PCDHGB4: variants seen among roughly 807,000 people sequenced by gnomAD.
PCDHGB4 encodes the protein protocadherin gamma subfamily B, 4.
PCDHGB4 carries 38 observed loss-of-function variants against 60.5 expected under a neutral mutation model. The ratio of observed to expected loss-of-function variants is 0.63; its 90% CI spans 0.48 to 0.82. The LOEUF (loss-of-function observed/expected upper bound fraction) is 0.82, where lower values mean the gene tolerates loss of function less well. PCDHGB4 is among the 40% of genes least tolerant of loss of function. The pLI, the probability that PCDHGB4 is intolerant of heterozygous loss-of-function variation, is 0.00. For missense variants in PCDHGB4, 1,109 were observed against 1,209.6 expected, an observed-to-expected ratio of 0.92 and a Z score of 1.23; for synonymous variants, 456 against 509.7, an observed-to-expected ratio of 0.89 and a Z score of 1.42.
At chr5:141,414,890 C>T in intron 1 of PCDHGB4, 5 of 1,614,232 alleles carry the variant, frequency 3.1e-6, no homozygotes, top group Non-Finnish European at 4.2e-6. Context: ...CCCGCCCTCC[C>T]CACAGACGGT....
intron 1 of PCDHGB4, chr5:141,423,820 C>T: frequency 7.9e-7 from 1 of 1,272,642 alleles, no homozygotes. Context: ...TTTTACTTTG[C>T]CTTTCATGAG....
In PCDHGB4 at chr5:141,389,404, C is replaced by G. The variant is rs2091742660; in HGVS notation, c.1520C>G (p.Ala507Gly). Residue 507 changes from alanine to glycine, a missense_variant, in exon 1 of 4, where the codon GCG becomes GGG. Ala to Gly is a moderately conservative substitution (Grantham distance 60, BLOSUM62 0). This residue lies in a region of PCDHGB4 where 1,068 missense variants were observed against 1,089.9 expected (regional missense o/e 0.98). Coordinates refer to ENST00000519479, the MANE Select transcript of PCDHGB4 (RefSeq NM_003736.4). ...RELSSYVSIS[A>G]ESGVVFAQRA... ...CTGTCATCCTACGTGTCCATAAGCG[C>G]GGAGAGCGGGGTGGTGTTCGCGCAG... is the stretch of plus-strand genomic sequence containing the variant. 1 of 1,613,498 alleles carries G rather than the reference C, an allele frequency of 6.2e-7. No homozygotes were observed. Among genetic ancestry groups the G allele is most frequent in the African/African-American group, 1.3e-5 (1 of 74,944 alleles).
At position 141,393,580 on chromosome 5, in the gene PCDHGB4, C is replaced by A. The variant is rs756625630; in HGVS notation, c.2397+3299C>A. 5.6e-6 allele frequency: 9 copies of A among 1,613,758 alleles called. No individual in the cohort carries two copies. In the South Asian group the frequency reaches 9.9e-5, roughly 18 times the overall value. ...CGAGTGAAAGTCCTTGAGAACATGC[C>A]CCCAGGCACGCGGCTGCTTACTGTA... is the stretch of plus-strand genomic sequence containing the variant. On this transcript the variant is annotated intron_variant, in intron 1 of 3. Transcript: ENST00000519479.
intron 1 of PCDHGB4, chr5:141,423,427 G>A: frequency 1.2e-6 from 2 of 1,614,010 alleles, no homozygotes; most frequent in Non-Finnish European, 1.7e-6. Flanking sequence ...AGGCGGGTTG[G>A]CAGGTATGCC....
chr5:141,441,838 C>A, intron 1 of PCDHGB4: 1 of 355,582 alleles, frequency 2.8e-6, no homozygotes, highest in Non-Finnish European at 5.5e-6. Context: ...TGGCTTCGCG[C>A]TCTTGGATAT....
At chr5:141,409,059 A>G (rs2095217608) in intron 1 of PCDHGB4, 2 of 1,614,050 alleles carry the variant, frequency 1.2e-6, no homozygotes, top group Non-Finnish European at 1.7e-6. Context: ...AGCACTGCCC[A>G]GAGCACAAAA....
In PCDHGB4 at chr5:141,389,771, C is replaced by G; in HGVS notation, c.1887C>G (p.Ala629=). 6.2e-7 allele frequency: 1 copy of G among 1,613,206 alleles called. No individual in the cohort carries two copies. Among genetic ancestry groups the G allele is most frequent in the Non-Finnish European group, 8.5e-7 (1 of 1,179,738 alleles). Reference sequence around the variant, plus strand: ...CGGGCGAAGTGCGCACAGCGCGTGCCTTAGGCGACAGGGACGCCGTCCGCC... The same window carrying G: ...CGGGCGAAGTGCGCACAGCGCGTGCGTTAGGCGACAGGGACGCCGTCCGCC... The part of the protein sequence containing the change: ...LRTGEVRTAR[A]LGDRDAVRQR... Residue 629 remains alanine, a synonymous_variant, in exon 1 of 4, where the codon GCC becomes GCG. Coordinates refer to ENST00000519479, the MANE Select transcript of PCDHGB4 (RefSeq NM_003736.4).
In PCDHGB4 at chr5:141,490,935, G is replaced by A. The variant is rs1371144225; in HGVS notation, c.2398-3872G>A. On this transcript the variant is annotated intron_variant, in intron 1 of 3. Transcript: ENST00000519479. The surrounding 1 kb of genome is among the most constrained non-coding windows in gnomAD (Gnocchi z 5.4). ...AGAATGATAATGCCCCAGCTGTGCTGCACCCACGGCCAGACTGGGAACACT... is the reference window on the plus strand; with the variant it reads ...AGAATGATAATGCCCCAGCTGTGCTACACCCACGGCCAGACTGGGAACACT... 1.9e-6 allele frequency: 3 copies of A among 1,613,638 alleles called. No homozygotes were observed. The highest frequency in any genetic ancestry group is 2.2e-5 in the South Asian group (2 of 91,032).
chr5:141,414,958 G>T, intron 1 of PCDHGB4: 2 of 1,614,024 alleles, frequency 1.2e-6, no homozygotes, highest in East Asian at 2.2e-5. Context: ...GGTGACCAAG[G>T]TGGTGGCGGT....
intron 1 of PCDHGB4, among the ~76,000 whole-genome samples, chr5:141,454,701 C>G (rs1182969868): frequency 6.6e-6 from 1 of 151,760 alleles, no homozygotes; most frequent in Non-Finnish European, 1.5e-5. Context: ...CCACCATGCT[C>G]CACCTGCTTA....
chr5:141,424,692 T>C (rs910540428), intron 1 of PCDHGB4: 2 of 152,004 alleles, frequency 1.3e-5, no homozygotes, highest in African/African-American at 4.8e-5. Context: ...CTTCTGGCTA[T>C]TTTTTTGTTC....
chr5:141,450,846 A>C (rs2098698903), intron 1 of PCDHGB4, among the ~76,000 whole-genome samples: 1 of 115,730 alleles, frequency 8.6e-6, no homozygotes. Context: ...TTTTTTTGAG[A>C]TGGGGTCTTG....
rs773499765 is a variant in PCDHGB4 at position 141,489,626 on chromosome 5, A to T, written c.2398-5181A>T. 6.2e-6 allele frequency: 10 copies of T among 1,613,568 alleles called. No individual in the cohort carries two copies. In the South Asian group the frequency reaches 9.9e-5, roughly 16 times the overall value. On this transcript the variant is annotated intron_variant, in intron 1 of 3. Coordinates refer to ENST00000519479, the MANE Select transcript of PCDHGB4 (RefSeq NM_003736.4). The surrounding 1 kb of genome is among the most constrained non-coding windows in gnomAD (Gnocchi z 4.5). The stretch of plus-strand genomic sequence containing the variant: ...GTAGAGATCCTGGATCTCAATGACA[A>T]CTCTCCTAGCTTTGCCACCCCTGAG...
In PCDHGB4 at chr5:141,394,620, T is replaced by C. The variant is rs775736772; in HGVS notation, c.2397+4339T>C. The C allele has an allele frequency of 8.1e-6, 13 of 1,613,124 alleles. 1 individual carries two copies. In the South Asian group the frequency reaches 1.4e-4, roughly 18 times the overall value. ...GGACAGAGACTCGGGCCAGAACGCC[T>C]GGCTGTCCTACCGCCTGCTCAAGGC... On this transcript the variant is annotated intron_variant, in intron 1 of 3. Coordinates refer to ENST00000519479, the MANE Select transcript of PCDHGB4 (RefSeq NM_003736.4).
intron 1 of PCDHGB4, chr5:141,399,076 G>A (rs767415619): frequency 1.2e-6 from 2 of 1,613,850 alleles, no homozygotes; most frequent in Non-Finnish European, 1.7e-6. Flanking sequence ...GGTTGTAGAA[G>A]GGAGGGATGG....
rs1358516648 is a variant in PCDHGB4, at chr5:141,489,199, A to C, written c.2398-5608A>C. The C allele has an allele frequency of 1.4e-6, 2 of 1,395,234 alleles. No individual in the cohort carries two copies. The highest frequency in any genetic ancestry group is 2.8e-5 in the South Asian group (2 of 71,520). The allele number at this position is 1,395,234 out of a possible 1,614,324, so 86.4% of individuals were successfully genotyped here. ...CAAGCCCTGGGTCTACCTTGGAGAC[A>C]GGACAGCACAGACTTACTCTCCACA... On this transcript the variant is annotated intron_variant, in intron 1 of 3. Transcript: ENST00000519479. The surrounding 1 kb of genome is among the most constrained non-coding windows in gnomAD (Gnocchi z 4.5).
chr5:141,419,769 CGGT>C, intron 1 of PCDHGB4: 1 of 1,614,006 alleles, frequency 6.2e-7, no homozygotes, highest in Non-Finnish European at 8.5e-7. Context: ...GACAAGGACT[CGGT>C]CCGCCAGCGC....
At chr5:141,409,145 T>G (rs2095231039) in intron 1 of PCDHGB4, 1 of 1,613,884 alleles carries the variant, frequency 6.2e-7, no homozygotes, top group Non-Finnish European at 8.5e-7. Flanking sequence ...TGTAGAAAGG[T>G]ACACCATGGA....
At chr5:141,457,864 C>T (rs962336979) in intron 1 of PCDHGB4, among the ~76,000 whole-genome samples, 5 of 152,166 alleles carry the variant, frequency 3.3e-5, no homozygotes, top group African/African-American at 4.8e-5. Flanking sequence ...CTTCACTGAC[C>T]ACAGGTTAGG....
Sources: gnomAD v4.1 joint callset for allele counts (sites outside exome capture counted in the v4.1 genomes callset) on GRCh38, gnomAD v4.1.1 for gene constraint, gnomAD v4.1.1 regional missense constraint, Gnocchi (gnomAD v3.1) non-coding constraint, MANE v1.5 for transcripts, NCBI Gene and HGNC (gene_info 2026-07-23, HGNC 2026-07-21) for gene names.